Variants in RIPOR1 observed in about 807,000 individuals in gnomAD.
The protein encoded by RIPOR1 is rho family-interacting cell polarization regulator 1.
In RIPOR1, 58 loss-of-function variants were observed where a neutral mutation model predicts 116.5. That is an observed-to-expected ratio of 0.50 (90% CI 0.40 to 0.62). RIPOR1 has a LOEUF of 0.62. RIPOR1 is among the 20% of genes least tolerant of loss of function. RIPOR1 has a pLI of 0.00. For missense variants in RIPOR1, 1,372 were observed against 1,586.2 expected, an observed-to-expected ratio of 0.86 and a Z score of 2.29; for synonymous variants, 605 against 650.0, an observed-to-expected ratio of 0.93 and a Z score of 1.05.
At chr16:67,526,443 G>A (rs1023743171), upstream of RIPOR1, among the ~76,000 whole-genome samples, 1 of 152,186 alleles carries the variant, frequency 6.6e-6, no homozygotes, top group African/African-American at 2.4e-5. Flanking sequence ...TGGAGTGGGT[G>A]GGCATGGTAG....
chr16:67,522,799 A>AC (rs1224279451), intron 1 of RIPOR1, among the ~76,000 whole-genome samples: 2 of 147,846 alleles, frequency 1.4e-5, no homozygotes, highest in African/African-American at 5.0e-5. Flanking sequence ...CAGCCCCCCA[A>AC]CCCCCCGCCT....
At chr16:67,539,410 C>A (rs2050904097) in intron 4 of RIPOR1, 1 of 528,080 alleles carries the variant, frequency 1.9e-6, no homozygotes, top group Admixed American at 3.2e-5. Flanking sequence ...GGGAACACTT[C>A]TGCCGGGGCT....
chr16:67,536,381 G>C (rs999730379), intron 1 of RIPOR1, among the ~76,000 whole-genome samples: 1 of 152,142 alleles, frequency 6.6e-6, no homozygotes, highest in Non-Finnish European at 1.5e-5. Flanking sequence ...CTGAGAGGCA[G>C]AGGTTGCAGT....
At position 67,545,225 on chromosome 16, in the gene RIPOR1, C is replaced by A; in HGVS notation, c.3031+108C>A. 1 of 1,533,616 alleles carries A rather than the reference C, an allele frequency of 6.5e-7. No individual in the cohort carries two copies. Among genetic ancestry groups the A allele is most frequent in the Non-Finnish European group, 8.9e-7 (1 of 1,129,390 alleles). On this transcript the variant is annotated intron_variant, in intron 17 of 21. Transcript: ENST00000042381. The surrounding 1 kb of genome is among the most constrained non-coding windows in gnomAD (Gnocchi z 4.8). ...ATAAACGAACTGGGCACCGAGGAGA[C>A]CAGCAAAGACTTGGGCCTTAGAGCA... is the stretch of plus-strand genomic sequence containing the variant.
At position 67,544,080 on chromosome 16, in the gene RIPOR1, G is replaced by A. The variant is rs1304248018; in HGVS notation, c.2601-219G>A. ...ATGCCATCCCCAGTGGTCCCAGCTG[G>A]AGGTAGCATGGCGCAGACTGACTCC... is the stretch of plus-strand genomic sequence containing the variant. On this transcript the variant is annotated intron_variant, in intron 14 of 21. Coordinates refer to ENST00000042381, the MANE Select transcript of RIPOR1 (RefSeq NM_024519.4). This position sits in a 1 kb window ranked among gnomAD's most constrained non-coding sequence, Gnocchi z 5.1. Among the ~76,000 whole-genome samples, 4 of 152,124 alleles carry A rather than the reference G, an allele frequency of 2.6e-5. No individual in the cohort carries two copies.
In RIPOR1 at chr16:67,545,512, C is replaced by T. The variant is rs1567579568; in HGVS notation, c.3168C>T (p.Tyr1056=). Residue 1056 remains tyrosine (Y), a synonymous_variant, in exon 18 of 22, where the codon TAC becomes TAT. Transcript: ENST00000042381. The surrounding 1 kb of genome is among the most constrained non-coding windows in gnomAD (Gnocchi z 4.8). ...ETLDSPTMEA[Y]VTETAEEVLL... ...TGGACAGCCCCACCATGGAGGCCTA[C>T]GTGACTGAGACCGCTGAGGAGGGTG... 4 of 1,614,056 alleles carry T rather than the reference C, an allele frequency of 2.5e-6. No homozygotes were observed. Among genetic ancestry groups the T allele is most frequent in the African/African-American group, 1.3e-5 (1 of 75,064 alleles).
At chr16:67,535,429 A>T (rs545659457) in intron 1 of RIPOR1, among the ~76,000 whole-genome samples, 1 of 152,196 alleles carries the variant, frequency 6.6e-6, no homozygotes, top group African/African-American at 2.4e-5. Flanking sequence ...AGTGCTGAGG[A>T]TACTTGCAGC....
chr16:67,533,340 T>G (rs1010417429), intron 1 of RIPOR1, among the ~76,000 whole-genome samples: 8 of 151,976 alleles, frequency 5.3e-5, no homozygotes, highest in African/African-American at 1.7e-4. Context: ...GGAGGAGAGA[T>G]AAGGAAGCTG....
At chr16:67,535,818 C>T (rs1166761007) in intron 1 of RIPOR1, among the ~76,000 whole-genome samples, 4 of 152,052 alleles carry the variant, frequency 2.6e-5, no homozygotes, top group Non-Finnish European at 4.4e-5. Context: ...GAGAGGCCAG[C>T]GATAGGCAGG....
chr16:67,539,586 A>T, intron 4 of RIPOR1, 142 bp from the exon 5 acceptor site: 3 of 1,000,606 alleles, frequency 3.0e-6, no homozygotes, highest in Admixed American at 3.4e-5. Context: ...CTAGACCAGC[A>T]GGAAGGGGCG....
intron 1 of RIPOR1, among the ~76,000 whole-genome samples, chr16:67,523,312 G>A (rs1181454148): frequency 6.6e-6 from 1 of 151,980 alleles, no homozygotes; most frequent in Non-Finnish European, 1.5e-5. Flanking sequence ...GATCACCTGA[G>A]GTCAGGAGTT....
In RIPOR1 at chr16:67,544,880, C is replaced by T. The variant is rs747427118; in HGVS notation, c.2869+50C>T. ...CTGCCATCTGCCTTGAAGCTCCTAC[C>T]TCAGCCTACTGCCATCTGCATGCTC... On this transcript the variant is annotated intron_variant, in intron 16 of 21. Transcript: ENST00000042381. The surrounding 1 kb of genome is among the most constrained non-coding windows in gnomAD (Gnocchi z 5.1). 4.4e-6 allele frequency: 7 copies of T among 1,596,860 alleles called. No individual in the cohort carries two copies. Among genetic ancestry groups the T allele is most frequent in the African/African-American group, 1.3e-5 (1 of 74,744 alleles).
chr16:67,538,014 A>C, intron 1 of RIPOR1: 1 of 192,820 alleles, frequency 5.2e-6, no homozygotes, highest in Non-Finnish European at 1.0e-5. Context: ...GGGGGCCCCG[A>C]GCTCCGGGTG....
chr16:67,528,958 A>G (rs767061882), intron 1 of RIPOR1, 44 bp downstream of exon 1: 1 of 181,880 alleles, frequency 5.5e-6, no homozygotes, highest in Non-Finnish European at 1.2e-5. Flanking sequence ...CCGGGCGGGG[A>G]GCAGGCGCGG....
rs1447715180 is a variant in RIPOR1 at position 67,543,387 on chromosome 16, A to G, written c.2518A>G (p.Ser840Gly). The G allele has an allele frequency of 1.3e-6, 2 of 1,597,184 alleles. No homozygotes were observed. The highest frequency in any genetic ancestry group is 1.7e-6 in the Non-Finnish European group (2 of 1,171,748). The part of the protein sequence containing the change: ...GLTRSRASSL[S>G]ITVEHALESF... ...GACTCGCAGCCGGGCCTCCAGTCTC[A>G]GCATCACTGTGGAGCATGCCTTGGA... is the stretch of plus-strand genomic sequence containing the variant. Residue 840 changes from serine (S) to glycine (G), a missense_variant, in exon 14 of 22, where the codon AGC (serine) becomes GGC (glycine). Physicochemically the swap from Ser to Gly is moderately conservative, Grantham distance 56. This residue lies in a region of RIPOR1 where 1,005 missense variants were observed against 1,144.7 expected (regional missense o/e 0.88). Transcript: ENST00000042381. The surrounding 1 kb of genome is among the most constrained non-coding windows in gnomAD (Gnocchi z 4.7).
chr16:67,527,303 A>G (rs2050549522), upstream of RIPOR1, among the ~76,000 whole-genome samples: 1 of 151,842 alleles, frequency 6.6e-6, no homozygotes, highest in Non-Finnish European at 1.5e-5. Context: ...CCAAAAATAT[A>G]GAAATTAGAA....
At chr16:67,533,120 C>T (rs760567577) in intron 1 of RIPOR1, among the ~76,000 whole-genome samples, 3 of 152,112 alleles carry the variant, frequency 2.0e-5, no homozygotes, top group African/African-American at 2.4e-5. Flanking sequence ...ACATCCAGGA[C>T]GACTTCTAGT....
At chr16:67,524,515 T>C (rs2050524415), upstream of RIPOR1, among the ~76,000 whole-genome samples, 1 of 152,194 alleles carries the variant, frequency 6.6e-6, no homozygotes, top group Non-Finnish European at 1.5e-5. Context: ...CTCTTCTCCC[T>C]GCCTGTCCAG....
chr16:67,535,636 C>T (rs924319063), intron 1 of RIPOR1, among the ~76,000 whole-genome samples: 2 of 152,148 alleles, frequency 1.3e-5, no homozygotes, highest in Non-Finnish European at 2.9e-5. Flanking sequence ...AAGGTTGCCA[C>T]TCAGTGAATA....
Sources: gnomAD v4.1 joint callset for allele counts (sites outside exome capture counted in the v4.1 genomes callset) on GRCh38, gnomAD v4.1.1 for gene constraint, gnomAD v4.1.1 regional missense constraint, Gnocchi (gnomAD v3.1) non-coding constraint, MANE v1.5 for transcripts, NCBI Gene and HGNC (gene_info 2026-07-23, HGNC 2026-07-21) for gene names.